DLGAP2: variants seen among roughly 807,000 people sequenced by gnomAD.
The protein encoded by DLGAP2 is DLG associated protein 2.
Under a neutral mutation model 100.3 loss-of-function variants are expected in DLGAP2, and 26 were observed. That is an observed-to-expected ratio of 0.26 (90% CI 0.19 to 0.36). DLGAP2 has a LOEUF of 0.36. DLGAP2 is among the 10% of genes least tolerant of loss of function. The pLI is 1.00. For missense variants in DLGAP2, 1,858 were observed against 1,453.2 expected (o/e 1.28, Z -4.53); for synonymous variants, 886 against 630.1 (o/e 1.41, Z -6.08).
At chr8:1,355,922 A>G (rs541846756) in intron 3 of DLGAP2, among the ~76,000 whole-genome samples, 1 of 152,136 alleles carries the variant, frequency 6.6e-6, no homozygotes, top group Non-Finnish European at 1.5e-5. Context: ...AGCACATTCC[A>G]TGCACAGGCA....
chr8:1,548,319 C>T (rs2404624), intron 4 of DLGAP2, among the ~76,000 whole-genome samples: 78,680 of 148,860 alleles, frequency 0.53, 21,080 homozygotes, highest in African/African-American at 0.61. Context: ...ATTAGCCGGG[C>T]GTGGTGGCAG....
At chr8:1,087,959 C>T (rs759606525) in intron 2 of DLGAP2, among the ~76,000 whole-genome samples, 2 of 152,240 alleles carry the variant, frequency 1.3e-5, no homozygotes, top group Non-Finnish European at 2.9e-5. Flanking sequence ...GTGCCAGTTC[C>T]TGGGCTATGT....
At chr8:1,506,503 T>C (rs1799921356) in intron 4 of DLGAP2, among the ~76,000 whole-genome samples, 2 of 152,186 alleles carry the variant, frequency 1.3e-5, no homozygotes, top group African/African-American at 2.4e-5. Flanking sequence ...GCGGTGAGTG[T>C]TGCAGCTCAT....
In DLGAP2 at chr8:1,549,392, C is replaced by A; in HGVS notation, c.939C>A (p.Ser313Arg). The A allele has an allele frequency of 6.2e-7, 1 of 1,613,452 alleles. No individual in the cohort carries two copies. The highest frequency in any genetic ancestry group is 8.5e-7 in the Non-Finnish European group (1 of 1,179,792). ...LDSDSTYRTP[S>R]VLNRHHLGPV... ...GCGACAGCACCTATCGGACGCCCAG[C>A]GTGCTCAACCGGCACCACCTGGGCC... Residue 313 changes from serine (S) to arginine (R), a missense_variant, in exon 5 of 15, where the codon AGC becomes AGA. Ser to Arg is a moderately radical substitution (Grantham distance 110). Transcript: ENST00000637795.
At chr8:1,115,795 C>A (rs1805097536) in intron 2 of DLGAP2, among the ~76,000 whole-genome samples, 1 of 152,184 alleles carries the variant, frequency 6.6e-6, no homozygotes, top group Non-Finnish European at 1.5e-5. Flanking sequence ...GCACAAATGA[C>A]AGTTTTCGAA....
intron 2 of DLGAP2, among the ~76,000 whole-genome samples, chr8:1,157,123 T>G (rs1289582777): frequency 2.0e-5 from 3 of 152,130 alleles, no homozygotes; most frequent in Non-Finnish European, 4.4e-5. Flanking sequence ...CCTTTGGTCT[T>G]TCCTGGGCTT....
chr8:1,381,420 G>A (rs1224123145), intron 3 of DLGAP2: 1 of 152,208 alleles, frequency 6.6e-6, no homozygotes, highest in Non-Finnish European at 1.5e-5. Context: ...TTGTACTCAA[G>A]GAGTACGACA....
intron 1 of DLGAP2, among the ~76,000 whole-genome samples, chr8:757,120 T>C (rs886325445): frequency 2.6e-5 from 4 of 152,178 alleles, no homozygotes; most frequent in African/African-American, 9.7e-5. Flanking sequence ...CCCCACCTCG[T>C]GCTGTTTTTC....
intron 2 of DLGAP2, among the ~76,000 whole-genome samples, chr8:1,162,108 C>G (rs889506544): frequency 3.9e-5 from 6 of 152,180 alleles, no homozygotes; most frequent in Middle Eastern, 3.2e-3. Flanking sequence ...CCCGTAAGCC[C>G]GTGGGGCAGA....
chr8:825,582 C>A (rs1255184758), intron 1 of DLGAP2, among the ~76,000 whole-genome samples: 1 of 152,176 alleles, frequency 6.6e-6, no homozygotes, highest in South Asian at 2.1e-4. Flanking sequence ...CCCTCTCATT[C>A]CAGATGTTGC....
chr8:1,670,443 C>T (rs1026376873), intron 10 of DLGAP2, among the ~76,000 whole-genome samples: 6 of 152,356 alleles, frequency 3.9e-5, no homozygotes, highest in African/African-American at 1.4e-4. Context: ...AAAGCTCAGC[C>T]TGTGCCTTTA....
rs77724377 is a variant in DLGAP2, at chr8:1,309,134, A to G, written c.106+50251A>G. 1.8e-3 allele frequency among the ~76,000 whole-genome samples: 274 copies of G among 152,258 alleles called. 5 individuals carry two copies. In the East Asian group the frequency reaches 0.049, roughly 27 times the overall value. ...CATCATCGGGCTGATCAGCCTACAC[A>G]TTACAAGAGTCTCCGAAAAGGGAAA... On this transcript the variant is annotated intron_variant, in intron 3 of 14. Coordinates refer to ENST00000637795, the MANE Select transcript of DLGAP2 (RefSeq NM_001346810.2).
At chr8:740,580 T>G (rs1448587292) in intron 1 of DLGAP2, among the ~76,000 whole-genome samples, 1 of 152,198 alleles carries the variant, frequency 6.6e-6, no homozygotes, top group East Asian at 1.9e-4. Flanking sequence ...AAAAATAGGC[T>G]TCGTGGAATT....
At chr8:1,470,513 A>G (rs1236542344) in intron 3 of DLGAP2, among the ~76,000 whole-genome samples, 1 of 152,114 alleles carries the variant, frequency 6.6e-6, no homozygotes, top group Non-Finnish European at 1.5e-5. Context: ...TCGTTTAAAT[A>G]CAACAAAATC....
chr8:1,173,079 T>C (rs1797165121), intron 2 of DLGAP2, among the ~76,000 whole-genome samples: 1 of 152,196 alleles, frequency 6.6e-6, no homozygotes, highest in Non-Finnish European at 1.5e-5. Flanking sequence ...TCCTTTCTGT[T>C]TGTTAGTTTT....
At chr8:1,021,979 G>A (rs1302494280) in intron 2 of DLGAP2, among the ~76,000 whole-genome samples, 26 of 152,188 alleles carry the variant, frequency 1.7e-4, no homozygotes, top group Admixed American at 1.7e-3. Context: ...GACCATCATG[G>A]CCAAGTTGCA....
intron 2 of DLGAP2, among the ~76,000 whole-genome samples, chr8:940,628 G>A (rs1311567031): frequency 6.6e-6 from 1 of 152,148 alleles, no homozygotes; most frequent in Admixed American, 6.5e-5. Context: ...GTTTTCGGGG[G>A]AAGGGGGAAG....
chr8:1,692,536 A>G (rs553703222), intron 13 of DLGAP2, among the ~76,000 whole-genome samples: 113 of 152,292 alleles, frequency 7.4e-4, no homozygotes, highest in Non-Finnish European at 1.5e-3. Context: ...GGCGGGCTGC[A>G]GCAGCGCGGC....
rs572673704 is a variant in DLGAP2 at position 815,761 on chromosome 8, T to G, written c.18+77936T>G. ...TAAAGACATTTTCAGACTTGGCAAG[T>G]TAACAGAGGCCATACTGAAAGGAGG... On this transcript the variant is annotated intron_variant, in intron 1 of 14. Coordinates refer to ENST00000637795, the MANE Select transcript of DLGAP2 (RefSeq NM_001346810.2). Among the ~76,000 whole-genome samples the G allele has an allele frequency of 3.3e-5, 5 of 152,316 alleles. No individual in the cohort carries two copies. The South Asian group carries it at 1.0e-3, about 32-fold the overall frequency.
Sources: allele counts gnomAD v4.1 joint callset (sites outside exome capture counted in the v4.1 genomes callset), GRCh38; gene constraint gnomAD v4.1.1; transcripts MANE v1.5; gene names NCBI Gene and HGNC (gene_info 2026-07-23, HGNC 2026-07-21).